Variants in GDF15 observed in about 807,000 individuals in gnomAD.
GDF15 encodes growth/differentiation factor 15.
In GDF15, 10 loss-of-function variants were observed where a neutral mutation model predicts 8.9. The observed-to-expected ratio is 1.12, with a 90% CI of 0.69 to 1.90. The LOEUF (loss-of-function observed/expected upper bound fraction) is 1.90, where lower values mean the gene tolerates loss of function less well. Among genes scored for constraint, GDF15 ranks in the 40% most tolerant of loss-of-function variants. The pLI, the probability that GDF15 is intolerant of heterozygous loss-of-function variation, is 0.00. For missense variants in GDF15, 452 were observed against 434.2 expected (o/e 1.04, Z -0.36); for synonymous variants, 228 against 210.6 (o/e 1.08, Z -0.72).
Position 18,388,811 on chromosome 19 carries a change from C to T in GDF15, c.803C>T (p.Thr268Met), listed in dbSNP as rs772448360. The T allele has an allele frequency of 4.3e-6, 7 of 1,612,006 alleles. No homozygotes were observed. The highest frequency in any genetic ancestry group is 1.6e-4 in the Middle Eastern group (1 of 6,062). The change falls in exon 2 of 2, where the codon ACG becomes ATG. Residue 268 changes from threonine to methionine, a missense_variant. Thr to Met is a moderately conservative substitution (Grantham distance 81). Transcript: ENST00000252809. This position sits in a 1 kb window ranked among gnomAD's most constrained non-coding sequence, Gnocchi z 4.2. Reference sequence around the variant, plus strand: ...AGCCTGCACCGCCTGAAGCCCGACACGGTGCCAGCGCCCTGCTGCGTGCCC... The same window carrying T: ...AGCCTGCACCGCCTGAAGCCCGACATGGTGCCAGCGCCCTGCTGCGTGCCC... ...KTSLHRLKPD[T>M]VPAPCCVPAS...
chr19:18,387,368 T>G (rs1461465053), intron 1 of GDF15, among the ~76,000 whole-genome samples: 2 of 151,966 alleles, frequency 1.3e-5, no homozygotes, highest in African/African-American at 4.8e-5. Context: ...CTACCAAAAA[T>G]GTTTAAAAAA....
rs745656135 is a variant in GDF15 at position 18,388,332 on chromosome 19, C to T, written c.324C>T (p.Ala108=). The change falls in exon 2 of 2, where the codon GCC becomes GCT. Residue 108 remains alanine (A), a synonymous_variant. Coordinates refer to ENST00000252809, the MANE Select transcript of GDF15 (RefSeq NM_004864.4). This position sits in a 1 kb window ranked among gnomAD's most constrained non-coding sequence, Gnocchi z 4.2. The stretch of plus-strand genomic sequence containing the variant: ...ACCTGCACCTGCGTATCTCTCGGGC[C>T]GCCCTTCCCGAGGGGCTCCCCGAGG... ...GGHLHLRISR[A]ALPEGLPEAS... is the part of the protein sequence containing the mutation. 7 of 1,610,944 alleles carry T rather than the reference C, an allele frequency of 4.3e-6. No individual in the cohort carries two copies. In the South Asian group the frequency reaches 6.6e-5, roughly 15 times the overall value.
rs1160695990 is a variant in GDF15, at chr19:18,388,789, C to G, written c.781C>G (p.Leu261Val). The G allele has an allele frequency of 6.2e-7, 1 of 1,611,598 alleles. No homozygotes were observed. The highest frequency in any genetic ancestry group is 8.5e-7 in the Non-Finnish European group (1 of 1,179,958). Residue 261 changes from leucine (L) to valine (V), a missense_variant, in exon 2 of 2, where the codon CTG becomes GTG. Physicochemically the swap from Leu to Val is conservative, Grantham distance 32. Coordinates refer to ENST00000252809, the MANE Select transcript of GDF15 (RefSeq NM_004864.4). This position sits in a 1 kb window ranked among gnomAD's most constrained non-coding sequence, Gnocchi z 4.2. The stretch of plus-strand genomic sequence containing the variant: ...CATGCACGCGCAGATCAAGACGAGC[C>G]TGCACCGCCTGAAGCCCGACACGGT... ...ANMHAQIKTSLHRLKPDTVPA... is the reference protein window; with the variant it reads ...ANMHAQIKTSVHRLKPDTVPA...
Position 18,386,334 on chromosome 19 carries a change from G to A in GDF15, c.145G>A (p.Glu49Lys), listed in dbSNP as rs753270463. Residue 49 changes from glutamate to lysine, a missense_variant, in exon 1 of 2, where the codon GAA becomes AAA. Coordinates refer to ENST00000252809, the MANE Select transcript of GDF15 (RefSeq NM_004864.4). ...CCCGGGACCCTCAGAGTTGCACTCC[G>A]AAGACTCCAGATTCCGAGAGTTGCG... ...SFPGPSELHS[E>K]DSRFRELRKR... 42 of 1,613,986 alleles carry A rather than the reference G, an allele frequency of 2.6e-5. No individual in the cohort carries two copies. Among genetic ancestry groups the A allele is most frequent in the South Asian group, 5.5e-5 (5 of 91,086 alleles).
chr19:18,387,144 C>G (rs540937999), intron 1 of GDF15: 1 of 152,820 alleles, frequency 6.5e-6, no homozygotes, highest in East Asian at 1.9e-4. Context: ...TAGGTTAAGG[C>G]ACCCTCAAAC....
chr19:18,389,148 G>A lies in GDF15; in HGVS notation c.*213G>A. On this transcript the variant is annotated 3_prime_UTR_variant, in exon 2 of 2. Transcript: ENST00000252809. The stretch of plus-strand genomic sequence containing the variant: ...AACTGTGTATTTATTTAAAACTCTG[G>A]TGATAAAAATAAAGCTGTCTGAACT... 1 of 459,774 alleles carries A rather than the reference G, an allele frequency of 2.2e-6. No homozygotes were observed. The highest frequency in any genetic ancestry group is 3.8e-6 in the Non-Finnish European group (1 of 260,756). 28.5% of individuals were successfully genotyped at this position (459,774 alleles called of 1,614,324 possible). A position where few individuals can be genotyped will look rare whatever the true frequency, so the allele number is the denominator to read the frequency against.
At position 18,386,297 on chromosome 19, in the gene GDF15, C is replaced by CCCGGGACCCT. The variant is rs777614840; in HGVS notation, c.109_110insCGGGACCCTC (p.Arg37ProfsTer265). 21 of 1,613,994 alleles carry CCCGGGACCCT rather than the reference C, an allele frequency of 1.3e-5. No homozygotes were observed. The African/African-American group carries it at 2.7e-4, about 21-fold the overall frequency. On this transcript the variant is annotated frameshift_variant, in exon 1 of 2. Transcript: ENST00000252809. LOFTEE classifies it high-confidence loss of function. The stretch of plus-strand genomic sequence containing the variant: ...GCGCCCTGTCTCTGGCCGAGGCGAG[C>CCCGGGACCCT]CGCGCAAGTTTCCCGGGACCCTCAG...
In GDF15 at chr19:18,388,760, C is replaced by T; in HGVS notation, c.752C>T (p.Ala251Val). The T allele has an allele frequency of 6.2e-7, 1 of 1,609,724 alleles. No homozygotes were observed. Among genetic ancestry groups the T allele is most frequent in the Non-Finnish European group, 8.5e-7 (1 of 1,179,640 alleles). ...IGACPSQFRA[A>V]NMHAQIKTSL... ...GCGTGCCCGAGCCAGTTCCGGGCGG[C>T]AAACATGCACGCGCAGATCAAGACG... The change falls in exon 2 of 2, where the codon GCA becomes GTA. Residue 251 changes from alanine to valine, a missense_variant. By Grantham distance (64) the Ala-to-Val change is moderately conservative. Coordinates refer to ENST00000252809, the MANE Select transcript of GDF15 (RefSeq NM_004864.4). The surrounding 1 kb of genome is among the most constrained non-coding windows in gnomAD (Gnocchi z 4.2).
At position 18,388,740 on chromosome 19, in the gene GDF15, C is replaced by G. The variant is rs186369683; in HGVS notation, c.732C>G (p.Cys244Trp). 9.9e-6 allele frequency: 16 copies of G among 1,608,580 alleles called. No individual in the cohort carries two copies. The highest frequency in any genetic ancestry group is 1.4e-5 in the Non-Finnish European group (16 of 1,179,322). The change falls in exon 2 of 2, where the codon TGC becomes TGG. Residue 244 changes from cysteine to tryptophan, a missense_variant. Physicochemically the swap from Cys to Trp is radical, Grantham distance 215. Coordinates refer to ENST00000252809, the MANE Select transcript of GDF15 (RefSeq NM_004864.4). This position sits in a 1 kb window ranked among gnomAD's most constrained non-coding sequence, Gnocchi z 4.2. ...AAGTGACCATGTGCATCGGCGCGTGCCCGAGCCAGTTCCGGGCGGCAAACA... is the reference window on the plus strand; with the variant it reads ...AAGTGACCATGTGCATCGGCGCGTGGCCGAGCCAGTTCCGGGCGGCAAACA... ...EVQVTMCIGA[C>W]PSQFRAANMH... is the part of the protein sequence containing the mutation.
chr19:18,388,360 T>A lies in GDF15; in HGVS notation c.352T>A (p.Ser118Thr), dbSNP rs754377947. The change falls in exon 2 of 2, where the codon TCC (serine) becomes ACC (threonine). Residue 118 changes from serine (S) to threonine (T), a missense_variant. Ser to Thr is a moderately conservative substitution (Grantham distance 58). Coordinates refer to ENST00000252809, the MANE Select transcript of GDF15 (RefSeq NM_004864.4). This position sits in a 1 kb window ranked among gnomAD's most constrained non-coding sequence, Gnocchi z 4.2. Reference protein sequence around the residue: ...AALPEGLPEASRLHRALFRLS... With the variant: ...AALPEGLPEATRLHRALFRLS... ...CCTTCCCGAGGGGCTCCCCGAGGCC[T>A]CCCGCCTTCACCGGGCTCTGTTCCG... The A allele has an allele frequency of 1.6e-5, 25 of 1,611,600 alleles. No individual in the cohort carries two copies. The Admixed American group carries it at 2.8e-4, about 18-fold the overall frequency.
chr19:18,386,849 T>C (rs1971837556), intron 1 of GDF15: 2 of 209,330 alleles, frequency 9.6e-6, no homozygotes, highest in Admixed American at 5.3e-5. Flanking sequence ...GATAGAAGTT[T>C]GTGATGGGCA....
rs1398135961 is a variant in GDF15 at position 18,388,221 on chromosome 19, G to T, written c.278-65G>T. On this transcript the variant is annotated intron_variant, in intron 1 of 1. Coordinates refer to ENST00000252809, the MANE Select transcript of GDF15 (RefSeq NM_004864.4). The surrounding 1 kb of genome is among the most constrained non-coding windows in gnomAD (Gnocchi z 4.2). ...CAGCTTGGCGTGTTAGGGGAAATGG[G>T]CACCCTCGTTCCTGGAAAACGGTAG... 5.5e-6 allele frequency: 8 copies of T among 1,442,746 alleles called. No homozygotes were observed. 89.4% of individuals were successfully genotyped at this position (1,442,746 alleles called of 1,614,324 possible). A position where few individuals can be genotyped will look rare whatever the true frequency, so the allele number is the denominator to read the frequency against.
At chr19:18,386,536 C>A in intron 1 of GDF15, 70 bp downstream of exon 1, 1 of 1,334,542 alleles carries the variant, frequency 7.5e-7, no homozygotes, top group Non-Finnish European at 1.0e-6. Context: ...GATTCCTCAT[C>A]TTGAAAAGCC....
At chr19:18,387,812 C>CTTTTTTTTTTTTTTT (rs1339881442) in intron 1 of GDF15, among the ~76,000 whole-genome samples, 1 of 79,618 alleles carries the variant, frequency 1.3e-5, no homozygotes, top group Admixed American at 1.5e-4. Context: ...GGAGAAATGC[C>CTTTTTTTTTTTTTTT]CTTTTTTTTT....
rs1424168606 is a variant in GDF15 at position 18,386,418 on chromosome 19, A to C, written c.229A>C (p.Asn77His). ...GGCCAACCAGAGCTGGGAAGATTCG[A>C]ACACCGACCTCGTCCCGGCCCCTGC... The part of the protein sequence containing the change: ...LRANQSWEDS[N>H]TDLVPAPAVR... The change falls in exon 1 of 2, where the codon AAC becomes CAC. Residue 77 changes from asparagine (N) to histidine (H), a missense_variant. Asn to His is a moderately conservative substitution (Grantham distance 68). Transcript: ENST00000252809. 6.2e-7 allele frequency: 1 copy of C among 1,613,602 alleles called. No individual in the cohort carries two copies. The highest frequency in any genetic ancestry group is 2.2e-5 in the East Asian group (1 of 44,886).
rs777978926 is a variant in GDF15 at position 18,388,812 on chromosome 19, G to A, written c.804G>A (p.Thr268=). 2 of 1,612,004 alleles carry A rather than the reference G, an allele frequency of 1.2e-6. No individual in the cohort carries two copies. Among genetic ancestry groups the A allele is most frequent in the Non-Finnish European group, 1.7e-6 (2 of 1,179,978 alleles). The change falls in exon 2 of 2, where the codon ACG becomes ACA. Residue 268 remains threonine (T), a synonymous_variant. Transcript: ENST00000252809. The surrounding 1 kb of genome is among the most constrained non-coding windows in gnomAD (Gnocchi z 4.2). ...KTSLHRLKPD[T]VPAPCCVPAS... is the part of the protein sequence containing the mutation. ...GCCTGCACCGCCTGAAGCCCGACAC[G>A]GTGCCAGCGCCCTGCTGCGTGCCCG...
intron 1 of GDF15, chr19:18,387,126 C>T (rs1971841331): frequency 6.5e-6 from 1 of 152,876 alleles, no homozygotes; most frequent in Non-Finnish European, 1.5e-5. Flanking sequence ...CTTGCTAAGC[C>T]TAGCAACTAG....
rs1023714561 is a variant in GDF15, at chr19:18,389,156, A to T, written c.*221A>T. 1.1e-5 allele frequency: 5 copies of T among 445,280 alleles called. No homozygotes were observed. The highest frequency in any genetic ancestry group is 2.0e-5 in the Non-Finnish European group (5 of 251,710). The allele number at this position is 445,280 out of a possible 1,614,324, so 27.6% of individuals were successfully genotyped here. On this transcript the variant is annotated 3_prime_UTR_variant, in exon 2 of 2. Transcript: ENST00000252809. ...ATTTATTTAAAACTCTGGTGATAAA[A>T]ATAAAGCTGTCTGAACTGTTCCCTG...
chr19:18,386,365 G>C lies in GDF15; in HGVS notation c.176G>C (p.Arg59Pro). 6.2e-7 allele frequency: 1 copy of C among 1,614,008 alleles called. No homozygotes were observed. Among genetic ancestry groups the C allele is most frequent in the Non-Finnish European group, 8.5e-7 (1 of 1,179,974 alleles). ...EDSRFRELRK[R>P]YEDLLTRLRA... is the part of the protein sequence containing the mutation. ...TCCAGATTCCGAGAGTTGCGGAAAC[G>C]CTACGAGGACCTGCTAACCAGGCTG... The change falls in exon 1 of 2, where the codon CGC (arginine) becomes CCC (proline). Residue 59 changes from arginine (R) to proline (P), a missense_variant. Arg to Pro is a moderately radical substitution (Grantham distance 103, BLOSUM62 -2). Coordinates refer to ENST00000252809, the MANE Select transcript of GDF15 (RefSeq NM_004864.4).
Sources: gnomAD v4.1 joint callset for allele counts (sites outside exome capture counted in the v4.1 genomes callset) on GRCh38, gnomAD v4.1.1 for gene constraint, Gnocchi (gnomAD v3.1) non-coding constraint, MANE v1.5 for transcripts, NCBI Gene and HGNC (gene_info 2026-07-23, HGNC 2026-07-21) for gene names.